FCSK: variants seen among roughly 807,000 people sequenced by gnomAD.
FCSK encodes the protein fucose kinase, also known as L-fucose kinase.
FCSK carries 123 observed loss-of-function variants against 122.5 expected under a neutral mutation model. The ratio of observed to expected loss-of-function variants is 1.00; its 90% CI spans 0.87 to 1.17. FCSK has a LOEUF of 1.17. Among genes scored for constraint, FCSK ranks in the 50% most tolerant of loss-of-function variants. The probability of loss-of-function intolerance (pLI) is 0.00; values close to 1 mark genes in which losing one functional copy is unlikely to be tolerated. For missense variants in FCSK, 1,366 were observed against 1,450.4 expected (o/e 0.94, Z 0.95); for synonymous variants, 620 against 625.5 (o/e 0.99, Z 0.13).
At position 70,475,477 on chromosome 16, in the gene FCSK, C is replaced by G. The variant is rs1567711747; in HGVS notation, c.2505C>G (p.Pro835=). Residue 835 remains proline, a synonymous_variant, in exon 19 of 24, where the codon CCC becomes CCG. Coordinates refer to ENST00000288078, the MANE Select transcript of FCSK (RefSeq NM_145059.3). ...AGCTGCACACCTGGTCTGAGCTGCC[C>G]CACGGCTCTGGCCTGGGTGAGCGGG... ...GFELHTWSEL[P]HGSGLGTSSI... 6.2e-7 allele frequency: 1 copy of G among 1,604,272 alleles called. No individual in the cohort carries two copies. Among genetic ancestry groups the G allele is most frequent in the Non-Finnish European group, 8.5e-7 (1 of 1,178,860 alleles).
chr16:70,470,469 G>A (rs368680074), intron 11 of FCSK, 43 bp downstream of exon 11: 63 of 1,265,152 alleles, frequency 5.0e-5, no homozygotes, highest in Middle Eastern at 1.9e-4. Flanking sequence ...GTTGTCTGGG[G>A]TCAGGTGGGA....
At chr16:70,461,414 G>A (rs546830897) in intron 1 of FCSK, among the ~76,000 whole-genome samples, 1 of 152,188 alleles carries the variant, frequency 6.6e-6, no homozygotes, top group South Asian at 2.1e-4. Context: ...CAGGGGCTCA[G>A]GAGTCAGATT....
intron 3 of FCSK, among the ~76,000 whole-genome samples, chr16:70,464,845 T>A (rs1385009628): frequency 6.6e-6 from 1 of 152,002 alleles, no homozygotes; most frequent in East Asian, 1.9e-4. Flanking sequence ...ACCACTGCAC[T>A]CCAGACTGGG....
rs1463440908 is a variant in FCSK, at chr16:70,478,428, G to T, written c.2798G>T (p.Gly933Val). Reference protein sequence around the residue: ...LNDHLLLVYTGKTRLARNLLQ... With the variant: ...LNDHLLLVYTVKTRLARNLLQ... Reference sequence around the variant, plus strand: ...GACCACCTGCTCTTGGTGTACACTGGCAAGACCCGCCTGGCTCGGAACCTG... The same window carrying T: ...GACCACCTGCTCTTGGTGTACACTGTCAAGACCCGCCTGGCTCGGAACCTG... The change falls in exon 21 of 24, where the codon GGC (glycine) becomes GTC (valine). Residue 933 changes from glycine to valine, a missense_variant. Transcript: ENST00000288078. 17 of 1,614,130 alleles carry T rather than the reference G, an allele frequency of 1.1e-5. No homozygotes were observed. Among genetic ancestry groups the T allele is most frequent in the Non-Finnish European group, 1.4e-5 (16 of 1,180,044 alleles).
Position 70,463,179 on chromosome 16 carries a change from C to A in FCSK, c.-12C>A. 1 of 1,612,604 alleles carries A rather than the reference C, an allele frequency of 6.2e-7. No homozygotes were observed. The highest frequency in any genetic ancestry group is 8.5e-7 in the Non-Finnish European group (1 of 1,178,906). Reference sequence around the variant, plus strand: ...ATATTGCTGTCTCAGGAAGCCCCTCCGCTTGGCCAGAATGGAGCAGCCGAA... The same window carrying A: ...ATATTGCTGTCTCAGGAAGCCCCTCAGCTTGGCCAGAATGGAGCAGCCGAA... On this transcript the variant is annotated 5_prime_UTR_variant, in exon 2 of 24. Transcript: ENST00000288078.
In FCSK at chr16:70,469,154, G is replaced by A; in HGVS notation, c.786G>A (p.Leu262=). ...TGTGCTTCTTCCCCTTCCCCTAGCT[G>A]TCTCTGTTTTTTGACATTCTCCACT... ...GLDSGARPVQ[L]SLFFDILHCM... is the part of the protein sequence containing the mutation. The change falls in exon 10 of 24, where the codon CTG becomes CTA. Residue 262 remains leucine (L), a splice_region_variant and synonymous_variant. Transcript: ENST00000288078. The A allele has an allele frequency of 1.9e-6, 3 of 1,614,094 alleles. No individual in the cohort carries two copies. The highest frequency in any genetic ancestry group is 2.2e-5 in the South Asian group (2 of 91,084).
intron 1 of FCSK, among the ~76,000 whole-genome samples, chr16:70,462,577 C>T (rs781728964): frequency 6.6e-6 from 1 of 152,000 alleles, no homozygotes; most frequent in Non-Finnish European, 1.5e-5. Flanking sequence ...CTGTCCACCT[C>T]GGCCTCCCAA....
At position 70,479,382 on chromosome 16, in the gene FCSK, G is replaced by A; in HGVS notation, c.3132G>A (p.Glu1044=). The A allele has an allele frequency of 1.9e-6, 3 of 1,613,534 alleles. No individual in the cohort carries two copies. The highest frequency in any genetic ancestry group is 1.7e-6 in the Non-Finnish European group (2 of 1,179,902). The change falls in exon 23 of 24, where the codon GAG becomes GAA. Residue 1044 remains glutamate, a synonymous_variant. Transcript: ENST00000288078. ...TKEPQQKEAL[E]AVLAKTEGLG... ...AGCCACAGCAAAAGGAGGCCTTGGA[G>A]GCGGTGCTGGCCAAGACCGAGGTAC...
intron 22 of FCSK, 145 bp from the exon 23 acceptor site, chr16:70,479,035 G>C (rs2048911645): frequency 1.5e-6 from 1 of 679,436 alleles, no homozygotes; most frequent in Non-Finnish European, 2.5e-6. Flanking sequence ...TGGGAAGTGG[G>C]TTACTCCTGG....
At chr16:70,472,959 G>T (rs1325920950) in intron 14 of FCSK, 24 bp from the exon 15 acceptor site, 2 of 1,586,476 alleles carry the variant, frequency 1.3e-6, no homozygotes, top group Non-Finnish European at 8.6e-7. Flanking sequence ...TCCCTCCTGG[G>T]AATGTGCCTT....
In FCSK at chr16:70,467,981, C is replaced by G. The variant is rs1267399248; in HGVS notation, c.663+15C>G. 6.2e-7 allele frequency: 1 copy of G among 1,610,198 alleles called. No individual in the cohort carries two copies. Among genetic ancestry groups the G allele is most frequent in the East Asian group, 2.2e-5 (1 of 44,852 alleles). On this transcript the variant is annotated intron_variant, in intron 8 of 23. Transcript: ENST00000288078. The stretch of plus-strand genomic sequence containing the variant: ...GGGTGCCACTGGTATGGCTGCTGGG[C>G]CCAGGTTGCGGGGCTTTGGGGACCT...
At position 70,479,254 on chromosome 16, in the gene FCSK, C is replaced by T; in HGVS notation, c.3004C>T (p.Pro1002Ser). 6.2e-7 allele frequency: 1 copy of T among 1,613,898 alleles called. No homozygotes were observed. The highest frequency in any genetic ancestry group is 8.5e-7 in the Non-Finnish European group (1 of 1,180,036). ...GAAGCTCATGGCTCCAGGCTGTGAG[C>T]CCCTGACTGTGCGGCGTATGATGGA... is the stretch of plus-strand genomic sequence containing the variant. ...QKKLMAPGCE[P>S]LTVRRMMDVL... The change falls in exon 23 of 24, where the codon CCC becomes TCC. Residue 1002 changes from proline to serine, a missense_variant. Coordinates refer to ENST00000288078, the MANE Select transcript of FCSK (RefSeq NM_145059.3).
At chr16:70,459,699 T>G (rs2048202239) in intron 1 of FCSK, among the ~76,000 whole-genome samples, 2 of 150,272 alleles carry the variant, frequency 1.3e-5, no homozygotes, top group Admixed American at 6.6e-5. Flanking sequence ...CTCTGTATGT[T>G]GCCCAGGCTG....
chr16:70,463,114 C>T, intron 1 of FCSK, 55 bp from the exon 2 acceptor site: 1 of 1,000,064 alleles, frequency 1.0e-6, no homozygotes, highest in South Asian at 1.4e-5. Context: ...AAATTAATTA[C>T]TTTTAGTTAT....
rs748578615 is a variant in FCSK, at chr16:70,471,292, G to A, written c.1281G>A (p.Thr427=). ...LRDLVLQGHH[T]RLHGSPGHAF... ...ACCTTGTCCTGCAGGGACACCACACGCGGCTACACGGCTCCCCGGGCCACG... is the reference window on the plus strand; with the variant it reads ...ACCTTGTCCTGCAGGGACACCACACACGGCTACACGGCTCCCCGGGCCACG... Residue 427 remains threonine, a synonymous_variant, in exon 13 of 24, where the codon ACG becomes ACA. Coordinates refer to ENST00000288078, the MANE Select transcript of FCSK (RefSeq NM_145059.3). 16 of 1,605,666 alleles carry A rather than the reference G, an allele frequency of 1.0e-5. No individual in the cohort carries two copies. Among genetic ancestry groups the A allele is most frequent in the Admixed American group, 5.1e-5 (3 of 58,986 alleles).
chr16:70,464,824 G>T (rs2048367978), intron 3 of FCSK, among the ~76,000 whole-genome samples: 5 of 152,188 alleles, frequency 3.3e-5, no homozygotes, highest in Admixed American at 2.0e-4. Context: ...GCTGCAGTGA[G>T]CTGGGATCAT....
chr16:70,475,878 G>C, intron 20 of FCSK, 111 bp downstream of exon 20: 2 of 1,134,788 alleles, frequency 1.8e-6, no homozygotes, highest in Non-Finnish European at 2.4e-6. Flanking sequence ...CCACAAGACT[G>C]TGCTGCTGTT....
At position 70,463,764 on chromosome 16, in the gene FCSK, C is replaced by T. The variant is rs369275877; in HGVS notation, c.224C>T (p.Ala75Val). The T allele has an allele frequency of 2.5e-5, 41 of 1,609,566 alleles. No homozygotes were observed. The highest frequency in any genetic ancestry group is 3.3e-5 in the Non-Finnish European group (39 of 1,178,916). ...GCTGCTGAACACCTGAGTGCCCGGGCAGGCTTCACTGTGAGTGCTCACCAG... is the reference window on the plus strand; with the variant it reads ...GCTGCTGAACACCTGAGTGCCCGGGTAGGCTTCACTGTGAGTGCTCACCAG... ...LVAAEHLSARAGFTVVTSDVL... is the reference protein window; with the variant it reads ...LVAAEHLSARVGFTVVTSDVL... Residue 75 changes from alanine (A) to valine (V), a missense_variant, in exon 3 of 24, where the codon GCA becomes GTA. Physicochemically the swap from Ala to Val is moderately conservative, Grantham distance 64. Coordinates refer to ENST00000288078, the MANE Select transcript of FCSK (RefSeq NM_145059.3).
intron 1 of FCSK, among the ~76,000 whole-genome samples, chr16:70,461,686 T>TGG (rs17878934): frequency 1.3e-5 from 2 of 152,050 alleles, no homozygotes; most frequent in African/African-American, 4.8e-5. Flanking sequence ...TTGAGGAGCC[T>TGG]GGGGGGTGGG....
Sources: gnomAD v4.1 joint callset for allele counts (sites outside exome capture counted in the v4.1 genomes callset) on GRCh38, gnomAD v4.1.1 for gene constraint, MANE v1.5 for transcripts, NCBI Gene and HGNC (gene_info 2026-07-23, HGNC 2026-07-21) for gene names.